The following RIMS1 variants were observed in gnomAD, a reference collection of about 807,000 sequenced individuals.
The protein encoded by RIMS1 is regulating synaptic membrane exocytosis 1.
A neutral mutation model predicts 214.1 loss-of-function variants in RIMS1; 83 were observed. The ratio of observed to expected loss-of-function variants is 0.39; its 90% confidence interval spans 0.32 to 0.47. The LOEUF is 0.47. Among genes scored for constraint, RIMS1 ranks in the 20% least tolerant of loss-of-function variants. The pLI is 0.99. For synonymous variants in RIMS1, 793 were observed against 786.8 expected, an observed-to-expected ratio of 1.01 and a Z score of -0.13; for missense variants, 2,050 against 2,161.8, an observed-to-expected ratio of 0.95 and a Z score of 1.03.
intron 2 of RIMS1, among the ~76,000 whole-genome samples, chr6:71,991,795 G>A (rs1384099301): frequency 6.6e-6 from 1 of 152,236 alleles, no homozygotes; most frequent in Non-Finnish European, 1.5e-5. Flanking sequence ...CGGGCCCAGT[G>A]GCTCACGCCT....
chr6:72,088,636 T>C (rs998481826), intron 2 of RIMS1, among the ~76,000 whole-genome samples: 5 of 152,230 alleles, frequency 3.3e-5, no homozygotes, highest in Non-Finnish European at 7.3e-5. Flanking sequence ...TTCAAACTTA[T>C]GTTTTATCCT....
intron 28 of RIMS1, among the ~76,000 whole-genome samples, chr6:72,321,722 A>C (rs2096176940): frequency 6.6e-6 from 1 of 152,052 alleles, no homozygotes; most frequent in African/African-American, 2.4e-5. Flanking sequence ...TACTAGAGAC[A>C]TACTATTTAT....
intron 1 of RIMS1, among the ~76,000 whole-genome samples, chr6:71,915,850 T>C (rs571458778): frequency 7.2e-5 from 11 of 152,118 alleles, no homozygotes; most frequent in Non-Finnish European, 1.6e-4. Context: ...CTCACAATCA[T>C]GGCAGAAGGC....
intron 1 of RIMS1, among the ~76,000 whole-genome samples, chr6:71,895,972 G>T (rs1311940864): frequency 2.0e-5 from 3 of 152,064 alleles, no homozygotes; most frequent in African/African-American, 7.2e-5. Flanking sequence ...ATTTCACACA[G>T]CTTAGCAGAT....
At chr6:72,134,893 A>T (rs1214939078) in intron 4 of RIMS1, among the ~76,000 whole-genome samples, 4 of 152,162 alleles carry the variant, frequency 2.6e-5, no homozygotes, top group South Asian at 2.1e-4. Context: ...AGATGTTTTG[A>T]GTAAGTTAAA....
At chr6:71,978,573 C>A (rs1797726626) in intron 2 of RIMS1, among the ~76,000 whole-genome samples, 1 of 151,840 alleles carries the variant, frequency 6.6e-6, no homozygotes, top group African/African-American at 2.4e-5. Flanking sequence ...GAGTAAAATC[C>A]AGTCAAGAAG....
intron 30 of RIMS1, among the ~76,000 whole-genome samples, chr6:72,391,861 A>G (rs1176535280): frequency 1.3e-5 from 2 of 152,258 alleles, no homozygotes; most frequent in African/African-American, 4.8e-5. Context: ...TTTCTGATAT[A>G]AAAAAGTAAC....
At chr6:72,023,777 TATAGAG>T (rs892903345) in intron 2 of RIMS1, among the ~76,000 whole-genome samples, 18 of 152,134 alleles carry the variant, frequency 1.2e-4, no homozygotes, top group African/African-American at 3.6e-4. Flanking sequence ...ATGCTGAATT[TATAGAG>T]ATATTTACTT....
At chr6:72,223,085 T>C (rs1051718008) in intron 6 of RIMS1, among the ~76,000 whole-genome samples, 8 of 152,198 alleles carry the variant, frequency 5.3e-5, no homozygotes, top group African/African-American at 1.9e-4. Flanking sequence ...TTTGTGGGGT[T>C]GAATACCAAA....
At chr6:72,095,415 A>G (rs2153801591) in intron 2 of RIMS1, among the ~76,000 whole-genome samples, 1 of 152,334 alleles carries the variant, frequency 6.6e-6, no homozygotes, top group East Asian at 1.9e-4. Flanking sequence ...AGTGTATCAA[A>G]TAACTCTTCG....
chr6:71,911,493 G>A (rs1305222150), intron 1 of RIMS1, among the ~76,000 whole-genome samples: 1 of 152,116 alleles, frequency 6.6e-6, no homozygotes, highest in Non-Finnish European at 1.5e-5. Flanking sequence ...GATTGTCCTT[G>A]TGGTCACTTG....
At chr6:71,984,894 C>T (rs531356653) in intron 2 of RIMS1, among the ~76,000 whole-genome samples, 1 of 152,040 alleles carries the variant, frequency 6.6e-6, no homozygotes, top group African/African-American at 2.4e-5. Flanking sequence ...AAAGGAAAGT[C>T]CAACATCCTC....
intron 22 of RIMS1, among the ~76,000 whole-genome samples, chr6:72,271,030 G>A (rs2082790430): frequency 6.6e-6 from 1 of 152,032 alleles, no homozygotes; most frequent in South Asian, 2.1e-4. Flanking sequence ...CACTTTGGGA[G>A]GCTGAGGCGG....
chr6:72,260,302 T>C (rs35292952), intron 18 of RIMS1, among the ~76,000 whole-genome samples: 4,207 of 152,234 alleles, frequency 0.028, 73 homozygotes, highest in Middle Eastern at 0.068. Context: ...AAGAAAACTA[T>C]CACGCTTTAA....
chr6:72,138,946 A>C (rs1318533614), intron 4 of RIMS1, among the ~76,000 whole-genome samples: 1 of 152,206 alleles, frequency 6.6e-6, no homozygotes, highest in Non-Finnish European at 1.5e-5. Context: ...TTCTACTTTT[A>C]TATTTTTAAA....
intron 6 of RIMS1, among the ~76,000 whole-genome samples, chr6:72,205,035 T>G (rs1413624080): frequency 6.6e-6 from 1 of 152,180 alleles, no homozygotes; most frequent in Non-Finnish European, 1.5e-5. Flanking sequence ...TTGTTTCTTG[T>G]GTAATTACAG....
At chr6:71,974,998 G>T (rs1016623649) in intron 2 of RIMS1, among the ~76,000 whole-genome samples, 4 of 152,040 alleles carry the variant, frequency 2.6e-5, no homozygotes, top group Non-Finnish European at 1.5e-5. Context: ...TCCACCTAAA[G>T]AACTTACTCA....
intron 1 of RIMS1, among the ~76,000 whole-genome samples, chr6:71,896,728 C>T (rs563932844): frequency 6.6e-6 from 1 of 152,216 alleles, no homozygotes. Context: ...TTTTGAAGCT[C>T]CCTCTTGCCC....
chr6:72,322,008 T>C (rs2096198378), intron 28 of RIMS1, among the ~76,000 whole-genome samples: 2 of 152,098 alleles, frequency 1.3e-5, no homozygotes, highest in Admixed American at 6.6e-5. Flanking sequence ...GAAACTAGGA[T>C]TTAACCACAT....
Sources: gnomAD v4.1 joint callset for allele counts (sites outside exome capture counted in the v4.1 genomes callset) on GRCh38, gnomAD v4.1.1 for gene constraint, MANE v1.5 for transcripts, NCBI Gene and HGNC (gene_info 2026-07-23, HGNC 2026-07-21) for gene names.